GLI2: variants seen among roughly 807,000 people sequenced by gnomAD.
GLI2 encodes the protein GLI family zinc finger 2, also known as transcription activator GLI2.
In GLI2, 22 loss-of-function variants were observed where a neutral mutation model predicts 78.9. That is an observed-to-expected ratio of 0.28 (90% CI 0.20 to 0.40). GLI2 has a LOEUF of 0.40. GLI2 is among the 10% of genes least tolerant of loss of function. The pLI is 1.00. For missense variants in GLI2, 2,097 were observed against 2,213.2 expected (o/e 0.95, Z 1.05); for synonymous variants, 974 against 963.7 (o/e 1.01, Z -0.20).
chr2:120,810,565 G>A (rs1558808945), intron 2 of GLI2, among the ~76,000 whole-genome samples: 1 of 152,170 alleles, frequency 6.6e-6, no homozygotes, highest in Admixed American at 6.5e-5. Context: ...TACCCCTCAG[G>A]ATATAGAGGA....
At chr2:120,767,804 G>C (rs1683409151) in intron 1 of GLI2, among the ~76,000 whole-genome samples, 1 of 152,232 alleles carries the variant, frequency 6.6e-6, no homozygotes, top group Admixed American at 6.5e-5. Flanking sequence ...CAAGTTCTTT[G>C]CCTGTCTGTG....
intron 1 of GLI2, 51 bp downstream of exon 1, chr2:120,736,336 C>T (rs1302902892): frequency 6.6e-6 from 1 of 152,010 alleles, no homozygotes; most frequent in South Asian, 2.1e-4. Context: ...GAAGCGCCTC[C>T]CACCTCGGCC....
intron 1 of GLI2, chr2:120,792,353 T>G (rs1684186820): frequency 6.6e-6 from 1 of 152,220 alleles, no homozygotes; most frequent in South Asian, 2.1e-4. Flanking sequence ...TGAAAGAAAG[T>G]GATGATGCGA....
chr2:120,890,924 C>T (rs1677652153), intron 2 of GLI2, among the ~76,000 whole-genome samples: 1 of 152,166 alleles, frequency 6.6e-6, no homozygotes, highest in South Asian at 2.1e-4. Context: ...TCCAGTTCTC[C>T]TTCAGTCATT....
chr2:120,835,886 C>T (rs1483722182), intron 2 of GLI2, among the ~76,000 whole-genome samples: 4 of 152,046 alleles, frequency 2.6e-5, no homozygotes, highest in African/African-American at 9.7e-5. Context: ...ATACATGTAC[C>T]TCCATGCAGC....
At chr2:120,896,333 A>T (rs1677943972) in intron 2 of GLI2, among the ~76,000 whole-genome samples, 2 of 151,514 alleles carry the variant, frequency 1.3e-5, no homozygotes, top group African/African-American at 4.9e-5. Context: ...GAGGGCCATG[A>T]CCCCAGAAGG....
Position 120,741,152 on chromosome 2 carries a change from C to T in GLI2, c.-31+4867C>T, listed in dbSNP as rs116662942. On this transcript the variant is annotated intron_variant, in intron 1 of 13. Coordinates refer to ENST00000361492, the MANE Select transcript of GLI2 (RefSeq NM_001374353.1). ...TTTGAGTGCTGGGCCTTCCCTGGGA[C>T]ACAGTTAAGTATCTCCCTTCCTCCA... Among the ~76,000 whole-genome samples the T allele has an allele frequency of 9.0e-4, 137 of 152,288 alleles. 1 individual carries two copies. Among genetic ancestry groups the T allele is most frequent in the African/African-American group, 3.2e-3 (131 of 41,562 alleles).
chr2:120,833,305 C>A (rs1686454393), intron 2 of GLI2, among the ~76,000 whole-genome samples: 1 of 151,880 alleles, frequency 6.6e-6, no homozygotes. Flanking sequence ...TTCCTAAGGG[C>A]TGTAACCCCA....
Position 120,800,296 on chromosome 2 carries a change from C to T in GLI2, c.148+2828C>T, listed in dbSNP as rs537598908. Among the ~76,000 whole-genome samples, 14 of 152,050 alleles carry T rather than the reference C, an allele frequency of 9.2e-5. No individual in the cohort carries two copies. The highest frequency in any genetic ancestry group is 3.4e-3 in the Middle Eastern group (1 of 294). The stretch of plus-strand genomic sequence containing the variant: ...CAAAGACGAATCATCTTGGTCTGGG[C>T]GACTGCTCTGAGGCCTGTTTGCTGG... On this transcript the variant is annotated intron_variant, in intron 2 of 13. Transcript: ENST00000361492. The surrounding 1 kb of genome is among the most constrained non-coding windows in gnomAD (Gnocchi z 4.1).
At chr2:120,913,191 G>C (rs1038164247) in intron 2 of GLI2, among the ~76,000 whole-genome samples, 1 of 152,172 alleles carries the variant, frequency 6.6e-6, no homozygotes, top group Non-Finnish European at 1.5e-5. Flanking sequence ...TGAAGCAGTG[G>C]AAAGTCAATA....
intron 2 of GLI2, among the ~76,000 whole-genome samples, chr2:120,845,496 G>A (rs1014393625): frequency 6.6e-6 from 1 of 152,212 alleles, no homozygotes; most frequent in Non-Finnish European, 1.5e-5. Context: ...CTCACATGCT[G>A]CAGCTGCCAG....
In GLI2 at chr2:120,975,149, G is replaced by A. The variant is rs376983809; in HGVS notation, c.1317+40G>A. On this transcript the variant is annotated intron_variant, in intron 9 of 13. Coordinates refer to ENST00000361492, the MANE Select transcript of GLI2 (RefSeq NM_001374353.1). The stretch of plus-strand genomic sequence containing the variant: ...CCCAGCAGCCCGCCAACCGGGGCAC[G>A]GCCCAGGCCATGCAGGATGCTGAGC... The A allele has an allele frequency of 5.8e-5, 93 of 1,604,778 alleles. No homozygotes were observed. The highest frequency in any genetic ancestry group is 3.3e-4 in the South Asian group (30 of 90,748).
intron 3 of GLI2, among the ~76,000 whole-genome samples, chr2:120,930,438 C>A (rs1679895704): frequency 6.6e-6 from 1 of 152,212 alleles, no homozygotes; most frequent in South Asian, 2.1e-4. Context: ...AAATCAAGTT[C>A]CAGCCCCCTG....
chr2:120,961,425 T>C (rs1446878439), intron 5 of GLI2, among the ~76,000 whole-genome samples: 1 of 152,062 alleles, frequency 6.6e-6, no homozygotes, highest in East Asian at 1.9e-4. Context: ...CGTGAGATGG[T>C]GGAGCTGCTG....
intron 2 of GLI2, among the ~76,000 whole-genome samples, chr2:120,904,937 A>G (rs1678446883): frequency 6.6e-6 from 1 of 152,188 alleles, no homozygotes; most frequent in Non-Finnish European, 1.5e-5. Flanking sequence ...CAGGAAGGAC[A>G]GAGCGCCTGA....
chr2:120,843,868 T>C (rs914760201), intron 2 of GLI2, among the ~76,000 whole-genome samples: 2 of 152,298 alleles, frequency 1.3e-5, no homozygotes, highest in Middle Eastern at 3.4e-3. Flanking sequence ...GGTTTCACCA[T>C]GTTGGCTAGG....
At chr2:120,898,147 G>T (rs1377868040) in intron 2 of GLI2, among the ~76,000 whole-genome samples, 1 of 147,278 alleles carries the variant, frequency 6.8e-6, no homozygotes, top group South Asian at 2.2e-4. Flanking sequence ...GGGTTAAAAC[G>T]CAATGGCATA....
Position 120,800,267 on chromosome 2 carries a change from C to G in GLI2, c.148+2799C>G, listed in dbSNP as rs1408685184. Among the ~76,000 whole-genome samples the G allele has an allele frequency of 6.6e-6, 1 of 152,036 alleles. No homozygotes were observed. The highest frequency in any genetic ancestry group is 1.5e-5 in the Non-Finnish European group (1 of 68,012). ...AGGGGCCCCTCTTCTCGAGTTGTTT[C>G]TGGCAAAGACGAATCATCTTGGTCT... On this transcript the variant is annotated intron_variant, in intron 2 of 13. Transcript: ENST00000361492. The surrounding 1 kb of genome is among the most constrained non-coding windows in gnomAD (Gnocchi z 4.1).
intron 2 of GLI2, among the ~76,000 whole-genome samples, chr2:120,897,884 C>T (rs1011736391): frequency 6.6e-6 from 1 of 152,102 alleles, no homozygotes; most frequent in African/African-American, 2.4e-5. Flanking sequence ...GTGCTAAAGT[C>T]TCATGATATC....
Sources: allele counts gnomAD v4.1 joint callset (sites outside exome capture counted in the v4.1 genomes callset), GRCh38; gene constraint gnomAD v4.1.1; non-coding constraint Gnocchi (gnomAD v3.1); transcripts MANE v1.5; gene names NCBI Gene and HGNC (gene_info 2026-07-23, HGNC 2026-07-21).